The following AK5 variants were observed in gnomAD, a reference collection of about 807,000 sequenced individuals.
AK5 encodes the protein adenylate kinase isoenzyme 5.
AK5 carries 27 observed loss-of-function variants against 69.5 expected under a neutral mutation model. The ratio of observed to expected loss-of-function variants is 0.39; its 90% confidence interval spans 0.29 to 0.54. The LOEUF is 0.54. AK5 is among the 20% of genes least tolerant of loss of function. The pLI is 0.71. For missense variants in AK5, 531 were observed against 700.4 expected (o/e 0.76, Z 2.73); for synonymous variants, 260 against 244.4 (o/e 1.06, Z -0.60).
chr1:77,514,067 C>T (rs1024109035), intron 10 of AK5, among the ~76,000 whole-genome samples: 3 of 152,132 alleles, frequency 2.0e-5, no homozygotes, highest in South Asian at 2.1e-4. Flanking sequence ...GCAAATTGGG[C>T]GTTCACAGTA....
intron 10 of AK5, among the ~76,000 whole-genome samples, chr1:77,515,379 A>G (rs746915374): frequency 2.0e-5 from 3 of 152,206 alleles, no homozygotes; most frequent in Non-Finnish European, 4.4e-5. Flanking sequence ...CAAAGAAAGG[A>G]GTTTTAAGTA....
At chr1:77,285,668 G>A (rs1349568443) in intron 1 of AK5, among the ~76,000 whole-genome samples, 3 of 152,136 alleles carry the variant, frequency 2.0e-5, no homozygotes, top group African/African-American at 7.2e-5. Context: ...TTAGAATCTA[G>A]TGCCAGTGAC....
chr1:77,450,477 C>G (rs1372272027), intron 8 of AK5, among the ~76,000 whole-genome samples: 1 of 152,150 alleles, frequency 6.6e-6, no homozygotes, highest in African/African-American at 2.4e-5. Context: ...TAAGAAATAT[C>G]AGAGTCAACA....
intron 8 of AK5, among the ~76,000 whole-genome samples, chr1:77,460,062 T>C (rs1006274507): frequency 2.0e-5 from 3 of 152,218 alleles, no homozygotes; most frequent in Non-Finnish European, 4.4e-5. Context: ...ATCTCAGAGA[T>C]ATGACACACT....
intron 5 of AK5, among the ~76,000 whole-genome samples, chr1:77,306,484 G>GGTTT (rs35597576): frequency 3.0e-5 from 4 of 134,540 alleles, no homozygotes; most frequent in South Asian, 2.4e-4. Context: ...AATTTGCTAG[G>GGTTT]TTTTTTTTTG....
intron 6 of AK5, among the ~76,000 whole-genome samples, chr1:77,394,826 A>G (rs1200815631): frequency 1.2e-4 from 18 of 152,230 alleles, no homozygotes; most frequent in Admixed American, 1.2e-3. Flanking sequence ...TACTCAATAA[A>G]TATTGGTTGA....
intron 13 of AK5, among the ~76,000 whole-genome samples, chr1:77,552,889 A>T (rs928513189): frequency 7.9e-5 from 12 of 152,088 alleles, no homozygotes; most frequent in African/African-American, 2.9e-4. Flanking sequence ...ACATACAAAA[A>T]ATTAGCTGGG....
chr1:77,282,674 G>A, intron 1 of AK5: 1 of 1,147,232 alleles, frequency 8.7e-7, no homozygotes, highest in Non-Finnish European at 1.1e-6. Flanking sequence ...AGGGTGGGCT[G>A]CAGACCGCGG....
At chr1:77,402,390 A>G (rs370097779) in intron 6 of AK5, among the ~76,000 whole-genome samples, 3 of 151,628 alleles carry the variant, frequency 2.0e-5, no homozygotes, top group East Asian at 3.9e-4. Context: ...GGTGCGCTGC[A>G]CCCATTAACT....
intron 6 of AK5, among the ~76,000 whole-genome samples, chr1:77,394,067 T>G (rs567882168): frequency 1.3e-5 from 2 of 151,822 alleles, no homozygotes; most frequent in African/African-American, 4.8e-5. Context: ...ATACAAAAAT[T>G]AACTGGCTGT....
chr1:77,512,965 G>A (rs1247617050), intron 10 of AK5, among the ~76,000 whole-genome samples: 1 of 152,196 alleles, frequency 6.6e-6, no homozygotes, highest in Non-Finnish European at 1.5e-5. Flanking sequence ...AGTGGAATGA[G>A]GCAGAAAGTT....
intron 3 of AK5, among the ~76,000 whole-genome samples, chr1:77,296,765 A>T (rs972801655): frequency 6.6e-6 from 1 of 152,330 alleles, no homozygotes; most frequent in South Asian, 2.1e-4. Context: ...CTTTTGATTT[A>T]AAAAATAATC....
chr1:77,486,471 A>C (rs145717573), intron 10 of AK5, 119 bp downstream of exon 10: 1 of 607,274 alleles, frequency 1.6e-6, no homozygotes, highest in Non-Finnish European at 2.8e-6. Context: ...CAAGGCGGGC[A>C]GATCACGAGG....
chr1:77,533,509 C>CAAAAAAAAAAAAAA (rs10526328), intron 12 of AK5, among the ~76,000 whole-genome samples: 10 of 94,938 alleles, frequency 1.1e-4, no homozygotes, highest in African/African-American at 5.0e-4. Flanking sequence ...ACTCTGTCAC[C>CAAAAAAAAAAAAAA]AAAAAAAAAA....
At chr1:77,413,327 C>G (rs1422594805) in intron 7 of AK5, among the ~76,000 whole-genome samples, 1 of 152,160 alleles carries the variant, frequency 6.6e-6, no homozygotes, top group Non-Finnish European at 1.5e-5. Flanking sequence ...CATCCTGCAC[C>G]TGGCCAGATT....
At chr1:77,544,968 G>A (rs1557666171) in intron 13 of AK5, among the ~76,000 whole-genome samples, 1 of 152,196 alleles carries the variant, frequency 6.6e-6, no homozygotes, top group Non-Finnish European at 1.5e-5. Flanking sequence ...ACAAACATGT[G>A]AGTAATCCAT....
At chr1:77,371,448 T>C (rs1278449503) in intron 6 of AK5, 2 of 152,220 alleles carry the variant, frequency 1.3e-5, no homozygotes, top group Non-Finnish European at 2.9e-5. Flanking sequence ...TTCAACCCAA[T>C]GACACTATCA....
At chr1:77,331,121 T>G (rs957661456) in intron 5 of AK5, among the ~76,000 whole-genome samples, 1 of 152,074 alleles carries the variant, frequency 6.6e-6, no homozygotes, top group Non-Finnish European at 1.5e-5. Context: ...TTCTAATAGT[T>G]TTAAATTTTT....
intron 10 of AK5, among the ~76,000 whole-genome samples, chr1:77,491,904 G>T (rs1321518914): frequency 6.6e-6 from 1 of 152,186 alleles, no homozygotes. Context: ...GGTGGATCTG[G>T]AGGTTGAAAG....
Sources: allele counts gnomAD v4.1 joint callset (sites outside exome capture counted in the v4.1 genomes callset), GRCh38; gene constraint gnomAD v4.1.1; transcripts MANE v1.5; gene names NCBI Gene and HGNC (gene_info 2026-07-23, HGNC 2026-07-21).